The following PPP1CC variants were observed in gnomAD, a reference collection of about 807,000 sequenced individuals.
PPP1CC encodes protein phosphatase 1 catalytic subunit gamma, also known as serine/threonine-protein phosphatase PP1-gamma catalytic subunit.
PPP1CC carries 16 observed loss-of-function variants against 38.4 expected under a neutral mutation model. That is an observed-to-expected ratio of 0.42 (90% CI 0.28 to 0.63). The LOEUF is 0.63. PPP1CC is among the 30% of genes least tolerant of loss of function. The pLI is 0.25. For synonymous variants in PPP1CC, 158 were observed against 136.0 expected (o/e 1.16, Z -1.13); for missense variants, 170 against 391.3 (o/e 0.43, Z 4.77).
intron 3 of PPP1CC, among the ~76,000 whole-genome samples, chr12:110,727,891 G>GC (rs1250759420): frequency 1.3e-5 from 2 of 152,102 alleles, no homozygotes; most frequent in Non-Finnish European, 2.9e-5. Flanking sequence ...AAATTGTGTT[G>GC]ATGACCAAAC....
In PPP1CC at chr12:110,722,309, A is replaced by G; in HGVS notation, c.748-40T>C. The G allele has an allele frequency of 6.2e-7, 1 of 1,603,870 alleles. No homozygotes were observed. Among genetic ancestry groups the G allele is most frequent in the Non-Finnish European group, 8.5e-7 (1 of 1,172,302 alleles). The stretch of plus-strand genomic sequence containing the variant: ...TTTTTCAATATAAATAGGTGCAAAT[A>G]TTAGGTGAGTAAAACCATGTTTCAG... On this transcript the variant is annotated intron_variant, in intron 5 of 6. Coordinates refer to ENST00000335007, the MANE Select transcript of PPP1CC (RefSeq NM_002710.4). The surrounding 1 kb of genome is among the most constrained non-coding windows in gnomAD (Gnocchi z 5.4).
At chr12:110,711,048 T>C in the PPP1CC span, among the ~76,000 whole-genome samples, 3 of 151,830 alleles carry the variant, frequency 2.0e-5, no homozygotes, top group Non-Finnish European at 4.4e-5. Context: ...TGGTGGCATG[T>C]GCCTGTAATC....
At chr12:110,738,820 T>C (rs2069978063) in intron 1 of PPP1CC, among the ~76,000 whole-genome samples, 1 of 152,176 alleles carries the variant, frequency 6.6e-6, no homozygotes, top group Non-Finnish European at 1.5e-5. Context: ...TTTTCAATGC[T>C]GTGGTTTAAA....
the PPP1CC span, among the ~76,000 whole-genome samples, chr12:110,709,293 G>A: frequency 2.6e-5 from 4 of 151,604 alleles, no homozygotes; most frequent in Non-Finnish European, 5.9e-5. Context: ...GCAGTATCGC[G>A]ATCCCGGCTG....
intron 1 of PPP1CC, chr12:110,732,183 G>A: frequency 2.0e-6 from 1 of 500,484 alleles, no homozygotes; most frequent in African/African-American, 2.0e-5. Context: ...CAGGCCAGAT[G>A]CAATGGCTCA....
At chr12:110,724,858 T>G (rs575745331) in intron 3 of PPP1CC, 94 bp from the exon 4 acceptor site, 8 of 663,074 alleles carry the variant, frequency 1.2e-5, no homozygotes, top group Middle Eastern at 5.3e-4. Flanking sequence ...AGCAAGATTC[T>G]GGGTGCCTTT....
rs754008460 is a variant in PPP1CC at position 110,742,626 on chromosome 12, C to T, written c.55+27G>A. 155 of 1,436,922 alleles carry T rather than the reference C, an allele frequency of 1.1e-4. 1 individual carries two copies. In the Middle Eastern group the frequency reaches 1.5e-3, roughly 14 times the overall value. The allele number at this position is 1,436,922 out of a possible 1,614,324, so 89.0% of individuals were successfully genotyped here. A position where few individuals can be genotyped will look rare whatever the true frequency, so the allele number is the denominator to read the frequency against. ...CCTGCCGCCCTCAGGCCCGCCTCCC[C>T]CTTCAGCCGCCCGCCGCCCCCCTTA... On this transcript the variant is annotated intron_variant, in intron 1 of 6. Transcript: ENST00000335007.
In PPP1CC at chr12:110,722,278, G is replaced by C. The variant is rs369371658; in HGVS notation, c.748-9C>G. The C allele has an allele frequency of 6.8e-6, 11 of 1,610,712 alleles. No homozygotes were observed. Among genetic ancestry groups the C allele is most frequent in the Non-Finnish European group, 8.5e-6 (10 of 1,177,700 alleles). ...TATCCATCTTCAACCACCTTGAAGAGAAAATTTTTTCAATATAAATAGGTG... is the reference window on the plus strand; with the variant it reads ...TATCCATCTTCAACCACCTTGAAGACAAAATTTTTTCAATATAAATAGGTG... On this transcript the variant is annotated splice_polypyrimidine_tract_variant and intron_variant, in intron 5 of 6. Transcript: ENST00000335007. This position sits in a 1 kb window ranked among gnomAD's most constrained non-coding sequence, Gnocchi z 5.4.
downstream of PPP1CC, among the ~76,000 whole-genome samples, chr12:110,715,671 T>C (rs575529610): frequency 5.2e-4 from 79 of 152,228 alleles, no homozygotes; most frequent in African/African-American, 1.7e-3. Context: ...CAGGCTGTAG[T>C]GCAATGGTGC....
chr12:110,715,674 A>G (rs980462332), downstream of PPP1CC, among the ~76,000 whole-genome samples: 2 of 151,830 alleles, frequency 1.3e-5, no homozygotes, highest in Admixed American at 6.6e-5. Flanking sequence ...GCTGTAGTGC[A>G]ATGGTGCGAT....
At chr12:110,728,488 C>G (rs528466657) in intron 3 of PPP1CC, among the ~76,000 whole-genome samples, 1 of 151,808 alleles carries the variant, frequency 6.6e-6, no homozygotes, top group Non-Finnish European at 1.5e-5. Flanking sequence ...TGTGGTGGCT[C>G]ATGACTGTAA....
intron 1 of PPP1CC, among the ~76,000 whole-genome samples, chr12:110,735,538 T>C (rs541991723): frequency 6.6e-6 from 1 of 152,098 alleles, no homozygotes; most frequent in South Asian, 2.1e-4. Context: ...TCCCAACACT[T>C]TGGGAGGCCG....
chr12:110,721,412 G>T, intron 6 of PPP1CC: 1 of 359,178 alleles, frequency 2.8e-6, no homozygotes, highest in Non-Finnish European at 5.1e-6. Context: ...ACAATCTTCT[G>T]AAGTCTACAC....
intron 1 of PPP1CC, among the ~76,000 whole-genome samples, chr12:110,740,464 A>G (rs962582799): frequency 6.6e-6 from 1 of 152,078 alleles, no homozygotes; most frequent in Non-Finnish European, 1.5e-5. Flanking sequence ...AAAAAATTGT[A>G]AAACAGAATT....
intron 1 of PPP1CC, among the ~76,000 whole-genome samples, chr12:110,742,379 G>A (rs1409346421): frequency 6.6e-6 from 1 of 152,156 alleles, no homozygotes; most frequent in Non-Finnish European, 1.5e-5. Flanking sequence ...TGGGGGTGGG[G>A]AGCGGAGTTT....
At position 110,742,718 on chromosome 12, in the gene PPP1CC, C is replaced by T; in HGVS notation, c.-11G>A. 7.0e-7 allele frequency: 1 copy of T among 1,430,158 alleles called. No individual in the cohort carries two copies. The highest frequency in any genetic ancestry group is 9.3e-7 in the Non-Finnish European group (1 of 1,079,604). 88.6% of individuals were successfully genotyped at this position (1,430,158 alleles called of 1,614,324 possible). A position where few individuals can be genotyped will look rare whatever the true frequency, so the allele number is the denominator to read the frequency against. ...ATCTAAATCCGCCATCGCCTTCCCA[C>T]CGCCGACCCTCCCGCAGCGGCGCCG... On this transcript the variant is annotated 5_prime_UTR_variant, in exon 1 of 7. In the 5' UTR this introduces an upstream ATG that the reference lacks. Transcript: ENST00000335007.
At chr12:110,732,373 G>A in intron 1 of PPP1CC, 1 of 170,470 alleles carries the variant, frequency 5.9e-6, no homozygotes, top group Non-Finnish European at 1.2e-5. Context: ...CTCCAGCCTG[G>A]CAACACAGCG....
At chr12:110,715,154 A>T (rs1356213850), downstream of PPP1CC, among the ~76,000 whole-genome samples, 1 of 152,074 alleles carries the variant, frequency 6.6e-6, no homozygotes, top group East Asian at 1.9e-4. Context: ...GTGGCTAGAA[A>T]AAAAAAAGGA....
Position 110,722,273 on chromosome 12 carries a change from G to A in PPP1CC, c.748-4C>T, listed in dbSNP as rs548418183. ...ATTCATATCCATCTTCAACCACCTT[G>A]AAGAGAAAATTTTTTCAATATAAAT... On this transcript the variant is annotated splice_polypyrimidine_tract_variant and splice_region_variant and intron_variant, in intron 5 of 6. Coordinates refer to ENST00000335007, the MANE Select transcript of PPP1CC (RefSeq NM_002710.4). The surrounding 1 kb of genome is among the most constrained non-coding windows in gnomAD (Gnocchi z 5.4). 3.1e-6 allele frequency: 5 copies of A among 1,611,828 alleles called. No homozygotes were observed. The South Asian group carries it at 4.4e-5, about 14-fold the overall frequency.
Sources: allele counts gnomAD v4.1 joint callset (sites outside exome capture counted in the v4.1 genomes callset), GRCh38; gene constraint gnomAD v4.1.1; non-coding constraint Gnocchi (gnomAD v3.1); transcripts MANE v1.5; gene names NCBI Gene and HGNC (gene_info 2026-07-23, HGNC 2026-07-21).